Variants in HNRNPLL observed in about 807,000 individuals in gnomAD.
HNRNPLL encodes heterogeneous nuclear ribonucleoprotein L like, also known as heterogeneous nuclear ribonucleoprotein L-like.
Under a neutral mutation model 67.1 loss-of-function variants are expected in HNRNPLL, and 25 were observed. The ratio of observed to expected loss-of-function variants is 0.37; its 90% confidence interval spans 0.27 to 0.52. The LOEUF is 0.52. Among genes scored for constraint, HNRNPLL ranks in the 20% least tolerant of loss-of-function variants. HNRNPLL has a pLI of 0.90. For missense variants in HNRNPLL, 542 were observed against 673.9 expected (o/e 0.80, Z 2.17); for synonymous variants, 267 against 241.7 (o/e 1.10, Z -0.97).
chr2:38,581,880 T>C, intron 6 of HNRNPLL, 33 bp downstream of exon 6: 1 of 1,424,330 alleles, frequency 7.0e-7, no homozygotes, highest in Non-Finnish European at 9.9e-7. Context: ...TGTCAGCAGA[T>C]CAAGTACATT....
intron 4 of HNRNPLL, among the ~76,000 whole-genome samples, chr2:38,582,801 T>A (rs910707382): frequency 4.7e-5 from 7 of 150,060 alleles, no homozygotes; most frequent in African/African-American, 1.7e-4. Flanking sequence ...GTGCCTGTCA[T>A]CCCAGCTACT....
At chr2:38,599,098 A>G (rs537908884) in intron 1 of HNRNPLL, among the ~76,000 whole-genome samples, 183 of 152,372 alleles carry the variant, frequency 1.2e-3, no homozygotes, top group Non-Finnish European at 2.2e-3. Flanking sequence ...GTGCAAGTAT[A>G]ACAGAATAGT....
At chr2:38,597,917 A>C (rs1667270269) in intron 1 of HNRNPLL, among the ~76,000 whole-genome samples, 1 of 151,948 alleles carries the variant, frequency 6.6e-6, no homozygotes, top group Admixed American at 6.6e-5. Context: ...TTGAACTCCT[A>C]ACCTCGTGAT....
intron 1 of HNRNPLL, among the ~76,000 whole-genome samples, chr2:38,598,242 G>A (rs1667289710): frequency 6.6e-6 from 1 of 152,128 alleles, no homozygotes; most frequent in Non-Finnish European, 1.5e-5. Context: ...TGATAAGAAG[G>A]GATAAATACG....
intron 1 of HNRNPLL, among the ~76,000 whole-genome samples, chr2:38,597,745 G>A (rs1262617706): frequency 6.6e-6 from 1 of 150,478 alleles, no homozygotes; most frequent in Non-Finnish European, 1.5e-5. Flanking sequence ...CTGGAGTGCA[G>A]TGGCACGATC....
chr2:38,573,213 C>T lies in HNRNPLL; in HGVS notation c.1089G>A (p.Glu363=). The T allele has an allele frequency of 6.3e-7, 1 of 1,583,694 alleles. No individual in the cohort carries two copies. The highest frequency in any genetic ancestry group is 8.6e-7 in the Non-Finnish European group (1 of 1,166,632). The change falls in exon 8 of 13, where the codon GAG becomes GAA. Residue 363 remains glutamate, a synonymous_variant. Coordinates refer to ENST00000449105, the MANE Select transcript of HNRNPLL (RefSeq NM_138394.4). ...ACCAATATAAAGAGAAACTTACCTT[C>T]TCAATATTTCCATATAAGCAGAACA... The part of the protein sequence containing the change: ...FNLFCLYGNI[E]KVKFMKTIPG...
At chr2:38,581,151 C>G (rs1052953296) in intron 6 of HNRNPLL, 4 of 152,198 alleles carry the variant, frequency 2.6e-5, no homozygotes, top group Non-Finnish European at 4.4e-5. Flanking sequence ...TGTTAATAAA[C>G]TGGTCCTGGT....
intron 8 of HNRNPLL, among the ~76,000 whole-genome samples, chr2:38,571,762 T>C (rs369496641): frequency 8.5e-5 from 13 of 152,182 alleles, no homozygotes; most frequent in Non-Finnish European, 1.3e-4. Flanking sequence ...AGGATTATGA[T>C]AGTCTGAGTT....
chr2:38,594,807 G>T (rs547437552), intron 1 of HNRNPLL, among the ~76,000 whole-genome samples: 1 of 151,944 alleles, frequency 6.6e-6, no homozygotes, highest in Non-Finnish European at 1.5e-5. Flanking sequence ...AAAATGAGCT[G>T]GGCGTGGTGG....
chr2:38,593,580 G>C (rs1429630698), intron 1 of HNRNPLL, among the ~76,000 whole-genome samples: 2 of 152,142 alleles, frequency 1.3e-5, no homozygotes, highest in African/African-American at 4.8e-5. Context: ...TCTATATGGA[G>C]ACTAAGAGAC....
At chr2:38,593,145 T>C (rs1228912038) in intron 1 of HNRNPLL, among the ~76,000 whole-genome samples, 3 of 152,246 alleles carry the variant, frequency 2.0e-5, no homozygotes, top group African/African-American at 7.2e-5. Context: ...TTGCTTATGC[T>C]CCGTCTTTCC....
intron 2 of HNRNPLL, 68 bp downstream of exon 2, chr2:38,591,462 T>TA (rs1455013439): frequency 1.9e-4 from 167 of 860,176 alleles, no homozygotes; most frequent in Non-Finnish European, 2.9e-4. Flanking sequence ...ACATCAAGGC[T>TA]TGTAACAAGC....
intron 12 of HNRNPLL, 84 bp downstream of exon 12, chr2:38,568,115 G>C: frequency 3.8e-6 from 3 of 798,296 alleles, no homozygotes; most frequent in Admixed American, 2.8e-5. Flanking sequence ...AGCCTATTAA[G>C]TGTTATTTTT....
intron 6 of HNRNPLL, among the ~76,000 whole-genome samples, chr2:38,579,019 T>C (rs1459427090): frequency 6.6e-6 from 1 of 152,168 alleles, no homozygotes; most frequent in Admixed American, 6.5e-5. Context: ...ATTCTGTTAA[T>C]GTTCCTCTGC....
At chr2:38,572,558 T>C (rs1177546706) in intron 8 of HNRNPLL, among the ~76,000 whole-genome samples, 2 of 152,108 alleles carry the variant, frequency 1.3e-5, no homozygotes, top group Non-Finnish European at 2.9e-5. Flanking sequence ...TCAAAAACTA[T>C]TTATCTCACA....
rs367849509 is a variant in HNRNPLL, at chr2:38,596,167, G to A, written c.190-4519C>T. Reference sequence around the variant, plus strand: ...CTACCATCATCCTCTCCTGAGCTTCGTTTTCCCCCTTTTCCCCCAAAATAC... The same window carrying A: ...CTACCATCATCCTCTCCTGAGCTTCATTTTCCCCCTTTTCCCCCAAAATAC... On this transcript the variant is annotated intron_variant, in intron 1 of 12. Transcript: ENST00000449105. Among the ~76,000 whole-genome samples the A allele has an allele frequency of 5.9e-5, 9 of 151,518 alleles. No homozygotes were observed. In the South Asian group the frequency reaches 1.7e-3, roughly 28 times the overall value.
chr2:38,564,122 G>T lies in HNRNPLL; in HGVS notation c.*60C>A, dbSNP rs1003346340. The T allele has an allele frequency of 3.0e-6, 3 of 999,974 alleles. No homozygotes were observed. Among genetic ancestry groups the T allele is most frequent in the African/African-American group, 3.2e-5 (2 of 61,888 alleles). 61.9% of individuals were successfully genotyped at this position (999,974 alleles called of 1,614,324 possible). ...CAACCATTTTAGATTTTTTTTTAAT[G>T]AAGTGTAGCTTTGAAATTGTAATAA... is the stretch of plus-strand genomic sequence containing the variant. On this transcript the variant is annotated 3_prime_UTR_variant, in exon 13 of 13. Transcript: ENST00000449105.
chr2:38,563,652 T>A lies in HNRNPLL; in HGVS notation c.*530A>T, dbSNP rs1029367468. The A allele has an allele frequency of 3.3e-5, 5 of 150,480 alleles. No individual in the cohort carries two copies. The highest frequency in any genetic ancestry group is 1.2e-4 in the African/African-American group (5 of 41,304). 9.3% of individuals were successfully genotyped at this position (150,480 alleles called of 1,614,324 possible). The stretch of plus-strand genomic sequence containing the variant: ...CACGTGTATCCATGTCTGTTAGCCT[T>A]TCAGAAATATAAAATCAGTTAAATC... On this transcript the variant is annotated 3_prime_UTR_variant, in exon 13 of 13. Transcript: ENST00000449105.
chr2:38,598,743 T>C (rs894011513), intron 1 of HNRNPLL, among the ~76,000 whole-genome samples: 7 of 152,228 alleles, frequency 4.6e-5, no homozygotes, highest in Admixed American at 4.6e-4. Context: ...ACTGGCTCTA[T>C]GAACAGCTCT....
Sources: allele counts gnomAD v4.1 joint callset (sites outside exome capture counted in the v4.1 genomes callset), GRCh38; gene constraint gnomAD v4.1.1; transcripts MANE v1.5; gene names NCBI Gene and HGNC (gene_info 2026-07-23, HGNC 2026-07-21).